Variants in MAP3K1 observed in about 807,000 individuals in gnomAD.
MAP3K1 encodes the protein MAP/ERK kinase kinase 1.
Under a neutral mutation model 144.2 loss-of-function variants are expected in MAP3K1, and 36 were observed. The ratio of observed to expected loss-of-function variants is 0.25; its 90% CI spans 0.19 to 0.33. MAP3K1 has a LOEUF of 0.33. MAP3K1 is among the 10% of genes least tolerant of loss of function. The pLI, the probability that MAP3K1 is intolerant of heterozygous loss-of-function variation, is 1.00. For synonymous variants in MAP3K1, 718 were observed against 688.7 expected (o/e 1.04, Z -0.67); for missense variants, 1,650 against 1,881.9 (o/e 0.88, Z 2.28).
At chr5:56,887,596 G>T (rs1260001006) in intron 18 of MAP3K1, 76 bp downstream of exon 18, 4 of 1,493,638 alleles carry the variant, frequency 2.7e-6, no homozygotes, top group Non-Finnish European at 3.7e-6. Flanking sequence ...AAATTATCTT[G>T]CAGTGGTATC....
At chr5:56,858,281 A>G (rs962333716) in intron 2 of MAP3K1, among the ~76,000 whole-genome samples, 1 of 152,208 alleles carries the variant, frequency 6.6e-6, no homozygotes. Context: ...ATAAATCACA[A>G]CTTTTTAAAA....
At chr5:56,891,037 G>A (rs752904881) in intron 19 of MAP3K1, among the ~76,000 whole-genome samples, 11 of 151,998 alleles carry the variant, frequency 7.2e-5, no homozygotes, top group Admixed American at 6.6e-5. Flanking sequence ...CAGTGAGAGC[G>A]AGACCCTGTC....
chr5:56,863,798 C>A (rs1747591652), intron 3 of MAP3K1, among the ~76,000 whole-genome samples: 1 of 152,158 alleles, frequency 6.6e-6, no homozygotes, highest in South Asian at 2.1e-4. Flanking sequence ...ATTTATTACC[C>A]TTAACTATTT....
chr5:56,877,343 G>T (rs563224915), intron 10 of MAP3K1, among the ~76,000 whole-genome samples: 4 of 152,032 alleles, frequency 2.6e-5, no homozygotes, highest in Non-Finnish European at 4.4e-5. Flanking sequence ...TTCTTCTTAA[G>T]TTCAGACTGT....
At chr5:56,851,495 G>T (rs1470267088) in intron 1 of MAP3K1, among the ~76,000 whole-genome samples, 3 of 152,106 alleles carry the variant, frequency 2.0e-5, no homozygotes, top group African/African-American at 7.2e-5. Flanking sequence ...CTTATCAGGG[G>T]ACCCGTGTAC....
intron 1 of MAP3K1, among the ~76,000 whole-genome samples, chr5:56,839,250 A>G (rs142886445): frequency 2.0e-5 from 3 of 152,234 alleles, no homozygotes; most frequent in Admixed American, 1.3e-4. Context: ...AGAATTTCGC[A>G]TAGTCATTAT....
Position 56,883,539 on chromosome 5 carries a change from C to T in MAP3K1, c.3679C>T (p.Leu1227=). The part of the protein sequence containing the change: ...IIIQQDTPET[L]PGHTKAKQPY... Reference sequence around the variant, plus strand: ...GTTTAATATGTAGACACCAGAGACTCTACCAGGACATACCAAAGCAAAACA... The same window carrying T: ...GTTTAATATGTAGACACCAGAGACTTTACCAGGACATACCAAAGCAAAACA... The change falls in exon 15 of 20, where the codon CTA becomes TTA. Residue 1227 remains leucine (L), a synonymous_variant. Coordinates refer to ENST00000399503, the MANE Select transcript of MAP3K1 (RefSeq NM_005921.2). 6.2e-7 allele frequency: 1 copy of T among 1,614,006 alleles called. No homozygotes were observed. The highest frequency in any genetic ancestry group is 1.1e-5 in the South Asian group (1 of 91,078).
intron 1 of MAP3K1, among the ~76,000 whole-genome samples, chr5:56,830,823 G>C (rs1298608417): frequency 6.6e-6 from 1 of 151,554 alleles, no homozygotes; most frequent in Non-Finnish European, 1.5e-5. Flanking sequence ...ATTGGTTAAA[G>C]AGTTTAAAAA....
chr5:56,839,556 A>G (rs1031493276), intron 1 of MAP3K1, among the ~76,000 whole-genome samples: 1 of 152,238 alleles, frequency 6.6e-6, no homozygotes, highest in Non-Finnish European at 1.5e-5. Context: ...AGATCCTTCA[A>G]TAATGTCATT....
chr5:56,844,471 G>GC (rs2111825948), intron 1 of MAP3K1, among the ~76,000 whole-genome samples: 1 of 152,146 alleles, frequency 6.6e-6, no homozygotes, highest in South Asian at 2.1e-4. Context: ...GAGCCACCGT[G>GC]CCCGGCCTAG....
intron 1 of MAP3K1, among the ~76,000 whole-genome samples, chr5:56,853,150 A>G (rs1000647811): frequency 6.6e-6 from 1 of 152,220 alleles, no homozygotes; most frequent in Non-Finnish European, 1.5e-5. Flanking sequence ...ATTATTTTAT[A>G]TACTATGAAG....
At chr5:56,861,894 G>GT (rs998311057) in intron 3 of MAP3K1, among the ~76,000 whole-genome samples, 12 of 151,366 alleles carry the variant, frequency 7.9e-5, no homozygotes, top group East Asian at 3.9e-4. Flanking sequence ...AGGAGTTTGG[G>GT]TTTTTTTTTA....
At chr5:56,871,214 C>A (rs1401259957) in intron 6 of MAP3K1, among the ~76,000 whole-genome samples, 1 of 152,080 alleles carries the variant, frequency 6.6e-6, no homozygotes, top group Non-Finnish European at 1.5e-5. Flanking sequence ...TTTCTCTGTT[C>A]CTTTTTAAAG....
At chr5:56,823,061 TC>T (rs1170307558) in intron 1 of MAP3K1, among the ~76,000 whole-genome samples, 1 of 152,212 alleles carries the variant, frequency 6.6e-6, no homozygotes, top group African/African-American at 2.4e-5. Flanking sequence ...GCCAGAGTGA[TC>T]ATTTCCAAAT....
chr5:56,865,366 C>T lies in MAP3K1; in HGVS notation c.1062C>T (p.Phe354=), dbSNP rs763864623. 6 of 1,609,692 alleles carry T rather than the reference C, an allele frequency of 3.7e-6. No homozygotes were observed. The African/African-American group carries it at 6.7e-5, about 18-fold the overall frequency. The part of the protein sequence containing the change: ...PQNCSCARGT[F]CIHLLFVMLR... ...ACTGCAGCTGTGCACGTGGAACATT[C>T]TGTATTCATCTGCTATTTGTGATGC... Residue 354 remains phenylalanine, a synonymous_variant, in exon 5 of 20, where the codon TTC becomes TTT. Coordinates refer to ENST00000399503, the MANE Select transcript of MAP3K1 (RefSeq NM_005921.2).
intron 1 of MAP3K1, among the ~76,000 whole-genome samples, chr5:56,831,364 A>G (rs1430092482): frequency 6.6e-6 from 1 of 152,142 alleles, no homozygotes; most frequent in African/African-American, 2.4e-5. Context: ...AAGGTGGCAG[A>G]ATCCATCGCA....
At chr5:56,847,143 G>GT (rs1333098439) in intron 1 of MAP3K1, among the ~76,000 whole-genome samples, 1 of 152,150 alleles carries the variant, frequency 6.6e-6, no homozygotes, top group African/African-American at 2.4e-5. Context: ...GTTTATCTGG[G>GT]TTTCAGCTGC....
chr5:56,837,974 T>A lies in MAP3K1; in HGVS notation c.483-18626T>A, dbSNP rs559322973. On this transcript the variant is annotated intron_variant, in intron 1 of 19. Coordinates refer to ENST00000399503, the MANE Select transcript of MAP3K1 (RefSeq NM_005921.2). The stretch of plus-strand genomic sequence containing the variant: ...AGTTAATGAGGTGAACCCTACAGAG[T>A]ACTGACACCAGGAAATATGCCTAAG... Among the ~76,000 whole-genome samples, 5 of 152,286 alleles carry A rather than the reference T, an allele frequency of 3.3e-5. No homozygotes were observed. In the East Asian group the frequency reaches 9.7e-4, roughly 29 times the overall value.
At chr5:56,891,146 ACACCCCCCCCCCC>A (rs1748537689) in intron 19 of MAP3K1, among the ~76,000 whole-genome samples, 1 of 35,712 alleles carries the variant, frequency 2.8e-5, no homozygotes, top group South Asian at 2.3e-3. Flanking sequence ...AGACACACAC[ACACCCCCCCCCCC>A]CACACACACA....
Sources: allele counts gnomAD v4.1 joint callset (sites outside exome capture counted in the v4.1 genomes callset), GRCh38; gene constraint gnomAD v4.1.1; transcripts MANE v1.5; gene names NCBI Gene and HGNC (gene_info 2026-07-23, HGNC 2026-07-21).